The following GTF2A1 variants were observed in gnomAD, a reference collection of about 807,000 sequenced individuals.
The protein encoded by GTF2A1 is general transcription factor IIA subunit 1.
A neutral mutation model predicts 54.1 loss-of-function variants in GTF2A1; 12 were observed. The observed-to-expected ratio is 0.22, with a 90% CI of 0.14 to 0.36. The LOEUF is 0.36. Ranked by LOEUF, GTF2A1 falls within the 10% of genes least tolerant of loss-of-function variation. The probability of loss-of-function intolerance (pLI) is 1.00; values close to 1 mark genes in which losing one functional copy is unlikely to be tolerated. For synonymous variants in GTF2A1, 145 were observed against 152.0 expected (o/e 0.95, Z 0.34); for missense variants, 335 against 442.2 (o/e 0.76, Z 2.17).
intron 2 of GTF2A1, among the ~76,000 whole-genome samples, chr14:81,213,996 C>A (rs1333425742): frequency 3.3e-5 from 5 of 151,980 alleles, no homozygotes; most frequent in Admixed American, 3.3e-4. Flanking sequence ...GCACGCACCA[C>A]CATGCCCAGC....
At chr14:81,215,921 G>T (rs959444170) in intron 2 of GTF2A1, among the ~76,000 whole-genome samples, 4 of 152,200 alleles carry the variant, frequency 2.6e-5, no homozygotes, top group African/African-American at 9.7e-5. Flanking sequence ...TGTAGTCCCA[G>T]GGGTGGGAGG....
intron 5 of GTF2A1, among the ~76,000 whole-genome samples, chr14:81,197,004 A>T (rs1055954517): frequency 3.3e-5 from 5 of 152,226 alleles, no homozygotes; most frequent in African/African-American, 1.2e-4. Flanking sequence ...TCTTTTGTCA[A>T]TGAAGAGATA....
chr14:81,189,198 A>C (rs1892817623), intron 7 of GTF2A1, among the ~76,000 whole-genome samples: 1 of 152,232 alleles, frequency 6.6e-6, no homozygotes. Context: ...TACTAGCAAT[A>C]ACTTAAGACA....
intron 2 of GTF2A1, 42 bp from the exon 3 acceptor site, chr14:81,204,146 T>C: frequency 8.0e-7 from 1 of 1,252,068 alleles, no homozygotes; most frequent in Non-Finnish European, 1.2e-6. Context: ...GAAAAATAAC[T>C]CTGGACAGAT....
chr14:81,220,140 G>A (rs1235101782), intron 1 of GTF2A1, among the ~76,000 whole-genome samples: 1 of 151,226 alleles, frequency 6.6e-6, no homozygotes. Flanking sequence ...GGCCCCTCGG[G>A]GGGAAGCGGC....
At chr14:81,194,025 G>A (rs781389771) in intron 6 of GTF2A1, among the ~76,000 whole-genome samples, 4 of 152,182 alleles carry the variant, frequency 2.6e-5, no homozygotes, top group African/African-American at 4.8e-5. Flanking sequence ...GACAAAGCAT[G>A]ATCAAATATT....
intron 7 of GTF2A1, among the ~76,000 whole-genome samples, chr14:81,189,543 C>T (rs1037216354): frequency 1.3e-5 from 2 of 152,010 alleles, no homozygotes; most frequent in African/African-American, 4.8e-5. Flanking sequence ...AGGTGGCGGG[C>T]ACCTCTAGTC....
intron 7 of GTF2A1, among the ~76,000 whole-genome samples, chr14:81,189,625 A>G (rs572133015): frequency 1.3e-5 from 2 of 152,070 alleles, no homozygotes; most frequent in Non-Finnish European, 2.9e-5. Flanking sequence ...GAGCAGAGAT[A>G]GTGCCACTGC....
chr14:81,192,080 G>GT (rs1172933441), intron 7 of GTF2A1, among the ~76,000 whole-genome samples: 1 of 152,124 alleles, frequency 6.6e-6, no homozygotes, highest in Non-Finnish European at 1.5e-5. Context: ...GGACCAAAAG[G>GT]TTTTAAATAT....
intron 1 of GTF2A1, among the ~76,000 whole-genome samples, chr14:81,220,259 G>T (rs1262345652): frequency 3.5e-5 from 5 of 143,588 alleles, no homozygotes. Flanking sequence ...GCGGCCCCAG[G>T]CCCCACCGGC....
chr14:81,194,594 T>C (rs549823025), intron 6 of GTF2A1, among the ~76,000 whole-genome samples: 2 of 152,286 alleles, frequency 1.3e-5, no homozygotes, highest in Admixed American at 6.5e-5. Context: ...CACATAAACA[T>C]ATAAAGTACA....
chr14:81,194,202 C>A (rs538337800), intron 6 of GTF2A1, among the ~76,000 whole-genome samples: 6 of 152,224 alleles, frequency 3.9e-5, no homozygotes, highest in Non-Finnish European at 8.8e-5. Context: ...CTCATAGGAG[C>A]AGGAACCCTA....
Position 81,177,986 on chromosome 14 carries a change from T to C in GTF2A1, c.*2237A>G, listed in dbSNP as rs149399520. ...CAAGTATACCATAATTCATATGCAA[T>C]ACGCAGGTGCAAATACAAATGGTTA... On this transcript the variant is annotated 3_prime_UTR_variant, in exon 9 of 9. Coordinates refer to ENST00000553612, the MANE Select transcript of GTF2A1 (RefSeq NM_015859.4). 1 of 152,252 alleles carries C rather than the reference T, an allele frequency of 6.6e-6. No homozygotes were observed. Among genetic ancestry groups the C allele is most frequent in the East Asian group, 1.9e-4 (1 of 5,188 alleles). The allele number at this position is 152,252 out of a possible 1,614,324, so 9.4% of individuals were successfully genotyped here.
At position 81,196,090 on chromosome 14, in the gene GTF2A1, A is replaced by G. The variant is rs748309851; in HGVS notation, c.612+18T>C. 6.2e-7 allele frequency: 1 copy of G among 1,609,360 alleles called. No homozygotes were observed. The highest frequency in any genetic ancestry group is 8.5e-7 in the Non-Finnish European group (1 of 1,175,732). ...TAAAACAGAACCCCATACTGATCAT[A>G]ATAGAAGATTATTTTACCTGCTGTA... is the stretch of plus-strand genomic sequence containing the variant. On this transcript the variant is annotated intron_variant, in intron 6 of 8. Transcript: ENST00000553612.
intron 2 of GTF2A1, among the ~76,000 whole-genome samples, chr14:81,205,820 T>C (rs1893216654): frequency 6.6e-6 from 1 of 152,236 alleles, no homozygotes. Context: ...TGAGATCCCA[T>C]GTTGTGTCTG....
At position 81,203,808 on chromosome 14, in the gene GTF2A1, G is replaced by A. The variant is rs559887297; in HGVS notation, c.337+92C>T. On this transcript the variant is annotated intron_variant, in intron 3 of 8. Coordinates refer to ENST00000553612, the MANE Select transcript of GTF2A1 (RefSeq NM_015859.4). ...TAGGTTCTCCATGTGCCCCTTAAAAGACAAGATCCAAAAAATGCAGAATAT... is the reference window on the plus strand; with the variant it reads ...TAGGTTCTCCATGTGCCCCTTAAAAAACAAGATCCAAAAAATGCAGAATAT... 4.3e-5 allele frequency: 49 copies of A among 1,130,432 alleles called. No individual in the cohort carries two copies. In the African/African-American group the frequency reaches 5.0e-4, roughly 12 times the overall value. The allele number at this position is 1,130,432 out of a possible 1,614,324, so 70.0% of individuals were successfully genotyped here.
intron 2 of GTF2A1, chr14:81,209,722 T>C (rs570654294): frequency 2.9e-6 from 1 of 346,700 alleles, no homozygotes; most frequent in Non-Finnish European, 5.6e-6. Context: ...GAATATAGCA[T>C]ACGTAACCTT....
At chr14:81,214,833 A>C (rs149771237) in intron 2 of GTF2A1, among the ~76,000 whole-genome samples, 55 of 152,342 alleles carry the variant, frequency 3.6e-4, no homozygotes, top group African/African-American at 1.3e-3. Flanking sequence ...TAGTAAATAA[A>C]ATTGAGTGAG....
chr14:81,201,745 T>C (rs1893116108), intron 3 of GTF2A1, 87 bp from the exon 4 acceptor site: 4 of 838,600 alleles, frequency 4.8e-6, no homozygotes, highest in African/African-American at 1.7e-5. Flanking sequence ...TGATGAAAAC[T>C]TTTTTCATGT....
Sources: gnomAD v4.1 joint callset for allele counts (sites outside exome capture counted in the v4.1 genomes callset) on GRCh38, gnomAD v4.1.1 for gene constraint, MANE v1.5 for transcripts, NCBI Gene and HGNC (gene_info 2026-07-23, HGNC 2026-07-21) for gene names.